The following SEC14L1 variants were observed in gnomAD, a reference collection of about 807,000 sequenced individuals.
SEC14L1 encodes the protein SEC14 like lipid binding 1, also known as SEC14-like protein 1.
A neutral mutation model predicts 85.3 loss-of-function variants in SEC14L1; 48 were observed. The observed-to-expected ratio is 0.56, with a 90% CI of 0.45 to 0.72. The LOEUF (loss-of-function observed/expected upper bound fraction) is 0.72. Ranked by LOEUF, SEC14L1 falls within the 30% of genes least tolerant of loss-of-function variation. The probability of loss-of-function intolerance (pLI) is 0.00; values close to 1 mark genes in which losing one functional copy is unlikely to be tolerated. For missense variants in SEC14L1, 682 were observed against 921.4 expected, an observed-to-expected ratio of 0.74 and a Z score of 3.36; for synonymous variants, 391 against 355.5, an observed-to-expected ratio of 1.10 and a Z score of -1.12.
chr17:77,211,881 A>G (rs2143218182), intron 14 of SEC14L1, 69 bp from the exon 15 acceptor site: 2 of 1,578,448 alleles, frequency 1.3e-6, no homozygotes, highest in East Asian at 2.2e-5. Context: ...CCTGGAGAGC[A>G]CGATGCGCTC....
chr17:77,106,315 C>T (rs1490873742), intron 3 of SEC14L1, among the ~76,000 whole-genome samples: 1 of 152,084 alleles, frequency 6.6e-6, no homozygotes, highest in African/African-American at 2.4e-5. Flanking sequence ...GGGCGGATCA[C>T]AAGGTCAGGA....
chr17:77,100,471 C>G (rs1971754216), intron 3 of SEC14L1, among the ~76,000 whole-genome samples: 1 of 109,618 alleles, frequency 9.1e-6, no homozygotes, highest in Non-Finnish European at 1.7e-5. Context: ...GAGTCTCACT[C>G]TGTTGCCCAG....
In SEC14L1 at chr17:77,190,715, G is replaced by C. The variant is rs540758903; in HGVS notation, c.64-88G>C. ...CGCTGCCTGTTGCCGTGCACCGAGA[G>C]GTGCTGTTCCAGGGAGAACACAGTC... On this transcript the variant is annotated intron_variant, in intron 3 of 16. Transcript: ENST00000436233. 4.9e-5 allele frequency: 67 copies of C among 1,377,172 alleles called. No homozygotes were observed. In the East Asian group the frequency reaches 1.5e-3, roughly 30 times the overall value. The allele number at this position is 1,377,172 out of a possible 1,614,324, so 85.3% of individuals were successfully genotyped here.
At chr17:77,111,300 A>G (rs1041408253) in intron 3 of SEC14L1, among the ~76,000 whole-genome samples, 15 of 151,818 alleles carry the variant, frequency 9.9e-5, no homozygotes, top group Admixed American at 2.6e-4. Context: ...TTGGTTGACA[A>G]TTTTTTGGCT....
At chr17:77,107,025 C>T (rs1370611235) in intron 3 of SEC14L1, among the ~76,000 whole-genome samples, 1 of 152,182 alleles carries the variant, frequency 6.6e-6, no homozygotes, top group African/African-American at 2.4e-5. Flanking sequence ...TTCACACATC[C>T]CCCATGGGGT....
intron 3 of SEC14L1, among the ~76,000 whole-genome samples, chr17:77,149,349 C>T (rs191697714): frequency 5.9e-5 from 9 of 152,212 alleles, no homozygotes; most frequent in East Asian, 3.9e-4. Context: ...CTTGTTCACA[C>T]GAACTGTGAG....
At chr17:77,167,087 G>T (rs1028949638) in intron 3 of SEC14L1, among the ~76,000 whole-genome samples, 14 of 151,438 alleles carry the variant, frequency 9.2e-5, no homozygotes, top group Non-Finnish European at 1.5e-5. Flanking sequence ...AGTAATGTTA[G>T]AAATTTTTCT....
chr17:77,209,183 C>G (rs1976613610), intron 13 of SEC14L1, among the ~76,000 whole-genome samples, 159 bp from the exon 14 acceptor site: 1 of 152,166 alleles, frequency 6.6e-6, no homozygotes, highest in Non-Finnish European at 1.5e-5. Context: ...AAACATATTG[C>G]TCAGTAGTGC....
chr17:77,213,797 A>C lies in SEC14L1; in HGVS notation c.2043-121A>C. On this transcript the variant is annotated intron_variant, in intron 16 of 16. Coordinates refer to ENST00000436233, the MANE Select transcript of SEC14L1 (RefSeq NM_001143998.2). The surrounding 1 kb of genome is among the most constrained non-coding windows in gnomAD (Gnocchi z 7.1). ...TCATGTCCATCCCCCGTTTGCAAGC[A>C]CTGATGGGGATGAGAAGTGAGCAGA... The C allele has an allele frequency of 1.6e-6, 2 of 1,276,574 alleles. No homozygotes were observed. Among genetic ancestry groups the C allele is most frequent in the Non-Finnish European group, 2.3e-6 (2 of 883,538 alleles). 79.1% of individuals were successfully genotyped at this position (1,276,574 alleles called of 1,614,324 possible).
At chr17:77,207,010 C>T (rs7226135) in intron 13 of SEC14L1, 148 bp downstream of exon 13, 171,904 of 740,964 alleles carry the variant, frequency 0.23, 21,989 homozygotes, top group African/African-American at 0.32. Context: ...TTCTCTGATC[C>T]AGGGTTAAGC....
chr17:77,111,870 GA>G (rs1048383420), intron 3 of SEC14L1, among the ~76,000 whole-genome samples: 5 of 152,314 alleles, frequency 3.3e-5, no homozygotes, highest in African/African-American at 1.2e-4. Context: ...AAGACTTTGG[GA>G]GACAGTTAGA....
intron 13 of SEC14L1, among the ~76,000 whole-genome samples, chr17:77,209,132 G>T: frequency 6.6e-6 from 1 of 152,234 alleles, no homozygotes; most frequent in Middle Eastern, 3.4e-3. Flanking sequence ...ACTTGTTCCC[G>T]TTTATGCAGA....
At chr17:77,114,642 C>T (rs1453413594) in intron 3 of SEC14L1, among the ~76,000 whole-genome samples, 1 of 151,244 alleles carries the variant, frequency 6.6e-6, no homozygotes, top group African/African-American at 2.4e-5. Context: ...CGAGACCAGC[C>T]TGGCCAACAT....
At chr17:77,139,788 G>A (rs902627702), upstream of SEC14L1, among the ~76,000 whole-genome samples, 4 of 152,000 alleles carry the variant, frequency 2.6e-5, no homozygotes, top group Non-Finnish European at 2.9e-5. Context: ...GTGAGCCACC[G>A]CGCCCGGCCG....
chr17:77,154,861 CCTTA>C (rs1215027674), intron 3 of SEC14L1, among the ~76,000 whole-genome samples: 3 of 152,070 alleles, frequency 2.0e-5, no homozygotes, highest in African/African-American at 7.2e-5. Context: ...ATGGCTGCGT[CCTTA>C]CTTCTTTTCC....
chr17:77,099,132 T>A (rs1200699691), intron 3 of SEC14L1: 5 of 151,962 alleles, frequency 3.3e-5, no homozygotes, highest in Non-Finnish European at 7.4e-5. Flanking sequence ...CTGTGGAGGG[T>A]TATGTAACAG....
intron 3 of SEC14L1, among the ~76,000 whole-genome samples, chr17:77,107,260 C>G (rs1182148545): frequency 6.6e-6 from 1 of 152,176 alleles, no homozygotes; most frequent in African/African-American, 2.4e-5. Context: ...CTCCAGGCAC[C>G]AGGCTCTGGG....
Position 77,193,415 on chromosome 17 carries a change from C to T in SEC14L1, c.346-6C>T, listed in dbSNP as rs764420864. 3.1e-6 allele frequency: 5 copies of T among 1,593,548 alleles called. No homozygotes were observed. In the African/African-American group the frequency reaches 4.0e-5, roughly 13 times the overall value. ...GTCAGTGAGAGTGCTTTCTCTTTATCTGCAGGTTCACCCTGAAAATGAAGA... is the reference window on the plus strand; with the variant it reads ...GTCAGTGAGAGTGCTTTCTCTTTATTTGCAGGTTCACCCTGAAAATGAAGA... On this transcript the variant is annotated splice_region_variant and splice_polypyrimidine_tract_variant and intron_variant, in intron 5 of 16. Transcript: ENST00000436233.
chr17:77,136,386 T>G (rs968727121), upstream of SEC14L1, among the ~76,000 whole-genome samples: 1 of 151,940 alleles, frequency 6.6e-6, no homozygotes, highest in African/African-American at 2.4e-5. Context: ...CCTTCCTCCT[T>G]CTTTCTTTTG....
Sources: gnomAD v4.1 joint callset for allele counts (sites outside exome capture counted in the v4.1 genomes callset) on GRCh38, gnomAD v4.1.1 for gene constraint, Gnocchi (gnomAD v3.1) non-coding constraint, MANE v1.5 for transcripts, NCBI Gene and HGNC (gene_info 2026-07-23, HGNC 2026-07-21) for gene names.